Variants in GNG2 observed in about 807,000 individuals in gnomAD.
GNG2 encodes the protein G protein subunit gamma 2.
A neutral mutation model predicts 5.5 loss-of-function variants in GNG2; 5 were observed. That is an observed-to-expected ratio of 0.91 (90% CI 0.48 to 1.92). The LOEUF is 1.92. Among genes scored for constraint, GNG2 ranks in the 30% most tolerant of loss-of-function variants. The pLI is 0.01. For synonymous variants in GNG2, 28 were observed against 32.0 expected (o/e 0.88, Z 0.42); for missense variants, 55 against 88.4 (o/e 0.62, Z 1.52).
chr14:51,932,774 TA>T lies in GNG2; in HGVS notation c.-29-17873del, dbSNP rs1887742565. Among the ~76,000 whole-genome samples the T allele has an allele frequency of 3.3e-5, 5 of 152,284 alleles. No homozygotes were observed. The South Asian group carries it at 1.0e-3, about 32-fold the overall frequency. On this transcript the variant is annotated intron_variant, in intron 2 of 3. Transcript: ENST00000556766. ...GGTTGTAGTGGCCTGAATAAATCTC[TA>T]AAGTATCGGGTCCTAATCCTTAGAA...
intron 2 of GNG2, among the ~76,000 whole-genome samples, chr14:51,850,391 T>G (rs1004907564): frequency 6.6e-6 from 1 of 152,156 alleles, no homozygotes; most frequent in Non-Finnish European, 1.5e-5. Context: ...CCTAATCTTC[T>G]TCCTTATTCT....
chr14:51,917,942 C>T (rs541069562), intron 2 of GNG2, among the ~76,000 whole-genome samples: 1 of 150,752 alleles, frequency 6.6e-6, no homozygotes, highest in Non-Finnish European at 1.5e-5. Context: ...AGGAGAATTG[C>T]TTGAACTTGG....
intron 1 of GNG2, among the ~76,000 whole-genome samples, chr14:51,869,535 C>T (rs1307422331): frequency 6.6e-6 from 1 of 152,156 alleles, no homozygotes; most frequent in Non-Finnish European, 1.5e-5. Flanking sequence ...TTTGTTGAAA[C>T]AGGGCCTCGG....
At position 51,842,734 on chromosome 14, in the gene GNG2, G is replaced by A. The variant is rs1415602295; in HGVS notation, c.64+14927G>A. On this transcript the variant is annotated intron_variant, in intron 2 of 3. Coordinates refer to the GNG2 transcript ENST00000553432. ...GGCTGGAGTGCAGTGGCACAATCTCGGCTCACTGCAACCTCCACCTGCTGG... is the reference window on the plus strand; with the variant it reads ...GGCTGGAGTGCAGTGGCACAATCTCAGCTCACTGCAACCTCCACCTGCTGG... Among the ~76,000 whole-genome samples, 3 of 150,346 alleles carry A rather than the reference G, an allele frequency of 2.0e-5. 1 individual carries two copies. The highest frequency in any genetic ancestry group is 4.2e-4 in the South Asian group (2 of 4,782).
At chr14:51,951,034 T>C (rs1888946182) in intron 3 of GNG2, among the ~76,000 whole-genome samples, 1 of 151,848 alleles carries the variant, frequency 6.6e-6, no homozygotes, top group African/African-American at 2.4e-5. Context: ...GTGAGAGAAA[T>C]TAGAGAACAC....
At chr14:51,903,797 C>A (rs1023327015) in intron 2 of GNG2, among the ~76,000 whole-genome samples, 12 of 152,086 alleles carry the variant, frequency 7.9e-5, no homozygotes, top group African/African-American at 2.7e-4. Flanking sequence ...AAATGAAAAC[C>A]ACCACCAACT....
chr14:51,886,323 G>A (rs930285622), intron 2 of GNG2, among the ~76,000 whole-genome samples: 1 of 152,200 alleles, frequency 6.6e-6, no homozygotes, highest in African/African-American at 2.4e-5. Context: ...GCACTGGTGT[G>A]AGGCTGAATG....
At chr14:51,909,901 C>G (rs2140199217) in intron 2 of GNG2, among the ~76,000 whole-genome samples, 1 of 152,310 alleles carries the variant, frequency 6.6e-6, no homozygotes, top group African/African-American at 2.4e-5. Context: ...GTTGATGCCT[C>G]AGACTCAAGA....
intron 2 of GNG2, among the ~76,000 whole-genome samples, chr14:51,842,876 G>A (rs1207746564): frequency 6.6e-6 from 1 of 152,064 alleles, no homozygotes; most frequent in African/African-American, 2.4e-5. Flanking sequence ...TGTTGTCTAG[G>A]CTGGTCCCGA....
chr14:51,904,595 T>C (rs11157866), intron 2 of GNG2, among the ~76,000 whole-genome samples: 132,332 of 152,118 alleles, frequency 0.87, 57,685 homozygotes, highest in East Asian at 0.97. Context: ...CTGATGTAAC[T>C]GCTCTGTATA....
At chr14:51,840,502 T>C (rs1015491745) in intron 2 of GNG2, among the ~76,000 whole-genome samples, 5 of 152,212 alleles carry the variant, frequency 3.3e-5, no homozygotes, top group Admixed American at 3.3e-4. Context: ...CAGACTTCTC[T>C]CCTCTGTAAA....
intron 1 of GNG2, among the ~76,000 whole-genome samples, chr14:51,865,624 A>T (rs968956986): frequency 2.0e-5 from 3 of 152,180 alleles, no homozygotes; most frequent in Admixed American, 1.3e-4. Context: ...CCTCCCAGTT[A>T]CAACTCCATT....
At chr14:51,912,840 T>C (rs1178090073) in intron 2 of GNG2, among the ~76,000 whole-genome samples, 1 of 23,844 alleles carries the variant, frequency 4.2e-5, no homozygotes, top group Non-Finnish European at 7.3e-5. Context: ...GGCTTGGTTT[T>C]GGGGGTGGGG....
chr14:51,904,404 G>T (rs952170266), intron 2 of GNG2, among the ~76,000 whole-genome samples: 1 of 152,164 alleles, frequency 6.6e-6, no homozygotes, highest in African/African-American at 2.4e-5. Flanking sequence ...GAGGGGCAAA[G>T]AATAGTAAAA....
At chr14:51,848,189 C>T (rs1413913404) in intron 2 of GNG2, among the ~76,000 whole-genome samples, 9 of 152,078 alleles carry the variant, frequency 5.9e-5, no homozygotes, top group Non-Finnish European at 1.2e-4. Context: ...AATCTCTCCC[C>T]CTTGCCTTTA....
intron 2 of GNG2, among the ~76,000 whole-genome samples, chr14:51,886,288 C>A (rs1884454497): frequency 6.6e-6 from 1 of 152,204 alleles, no homozygotes; most frequent in Admixed American, 6.5e-5. Flanking sequence ...GTGACTATGC[C>A]TTCACCTTAC....
At chr14:51,858,042 G>A (rs1021607777), upstream of GNG2, among the ~76,000 whole-genome samples, 2 of 152,194 alleles carry the variant, frequency 1.3e-5, no homozygotes, top group Non-Finnish European at 2.9e-5. Flanking sequence ...ATGAATGTTA[G>A]AGTATTTTAC....
At position 51,969,307 on chromosome 14, in the gene GNG2, T is replaced by C. The variant is rs929651236; in HGVS notation, c.*2620T>C. ...TATAAAGAATAATTTTACATGATCC[T>C]CAATATCAACTCCAGTTTAAAAAGT... On this transcript the variant is annotated 3_prime_UTR_variant, in exon 4 of 4. Coordinates refer to ENST00000556766, the MANE Select transcript of GNG2 (RefSeq NM_053064.5). 6.6e-6 allele frequency: 1 copy of C among 152,202 alleles called. No individual in the cohort carries two copies. The highest frequency in any genetic ancestry group is 2.4e-5 in the African/African-American group (1 of 41,450). The allele number at this position is 152,202 out of a possible 1,614,324, so 9.4% of individuals were successfully genotyped here. A position where few individuals can be genotyped will look rare whatever the true frequency, so the allele number is the denominator to read the frequency against.
chr14:51,866,010 T>TA (rs1882852243), intron 1 of GNG2, among the ~76,000 whole-genome samples: 1 of 152,086 alleles, frequency 6.6e-6, no homozygotes, highest in Non-Finnish European at 1.5e-5. Flanking sequence ...TTAGAAGTGG[T>TA]ACTACTGTAT....
Sources: allele counts gnomAD v4.1 joint callset (sites outside exome capture counted in the v4.1 genomes callset), GRCh38; gene constraint gnomAD v4.1.1; transcripts MANE v1.5; gene names NCBI Gene and HGNC (gene_info 2026-07-23, HGNC 2026-07-21).